The following ANKRD11 variants were observed in gnomAD, a reference collection of about 807,000 sequenced individuals.
ANKRD11 encodes ankyrin repeat domain 11.
Under a neutral mutation model 195.7 loss-of-function variants are expected in ANKRD11, and 17 were observed. The observed-to-expected ratio is 0.09, with a 90% CI of 0.06 to 0.13. ANKRD11 has a LOEUF of 0.13. Among genes scored for constraint, ANKRD11 ranks in the 10% least tolerant of loss-of-function variants. The pLI, the probability that ANKRD11 is intolerant of heterozygous loss-of-function variation, is 1.00. For synonymous variants in ANKRD11, 1,953 were observed against 1,528.1 expected, an observed-to-expected ratio of 1.28 and a Z score of -6.49; for missense variants, 3,735 against 3,566.1, an observed-to-expected ratio of 1.05 and a Z score of -1.21.
At chr16:89,479,942 CAAA>C (rs1184052902) in intron 1 of ANKRD11, among the ~76,000 whole-genome samples, 1 of 73,308 alleles carries the variant, frequency 1.4e-5, no homozygotes, top group Admixed American at 1.6e-4. Flanking sequence ...GACTCCATCT[CAAA>C]AAAAAAAAAA....
Position 89,281,869 on chromosome 16 carries a change from G to T in ANKRD11, c.4673C>A (p.Ser1558Tyr). 1.9e-6 allele frequency: 3 copies of T among 1,613,926 alleles called. No individual in the cohort carries two copies. The highest frequency in any genetic ancestry group is 2.5e-6 in the Non-Finnish European group (3 of 1,180,030). Residue 1558 changes from serine (S) to tyrosine (Y), a missense_variant, in exon 9 of 13, where the codon TCC becomes TAC. Transcript: ENST00000301030. This position sits in a 1 kb window ranked among gnomAD's most constrained non-coding sequence, Gnocchi z 5.5. ...MSNGNDKVAP[S>Y]KDPGKKDARP... ...GGCGTCTTTCTTGCCTGGGTCTTTG[G>T]ATGGCGCTACCTTATCATTCCCGTT...
chr16:89,368,632 G>C (rs2040058453), intron 2 of ANKRD11, among the ~76,000 whole-genome samples: 1 of 151,186 alleles, frequency 6.6e-6, no homozygotes, highest in Admixed American at 6.6e-5. Context: ...AAAGGGCTGG[G>C]TGCCATGGCT....
intron 11 of ANKRD11, chr16:89,273,026 G>T (rs1325620321): frequency 1.8e-5 from 2 of 109,420 alleles, no homozygotes; most frequent in South Asian, 3.3e-4. Context: ...CAGGGAGGTA[G>T]AAGTGGTTAA....
chr16:89,461,025 G>C (rs188148425), intron 1 of ANKRD11, among the ~76,000 whole-genome samples: 105 of 120,154 alleles, frequency 8.7e-4, no homozygotes, highest in African/African-American at 3.2e-3. Flanking sequence ...ACAGAAGAAA[G>C]GACAAATATC....
intron 2 of ANKRD11, among the ~76,000 whole-genome samples, chr16:89,372,401 C>T (rs1400820310): frequency 1.3e-5 from 2 of 152,132 alleles, no homozygotes; most frequent in South Asian, 2.1e-4. Context: ...CCTCACAGCA[C>T]GGACGGGGTC....
chr16:89,486,665 T>C (rs1266739876), intron 1 of ANKRD11, among the ~76,000 whole-genome samples: 4 of 152,076 alleles, frequency 2.6e-5, no homozygotes, highest in Non-Finnish European at 2.9e-5. Context: ...GAATGGGGCA[T>C]GGTATCAGAG....
intron 2 of ANKRD11, among the ~76,000 whole-genome samples, chr16:89,362,195 G>C (rs74525940): frequency 0.021 from 3,206 of 152,332 alleles, 127 homozygotes; most frequent in African/African-American, 0.074. Flanking sequence ...AATACCAACT[G>C]CCTTCTTCTT....
At chr16:89,422,074 T>C (rs2042534139) in intron 1 of ANKRD11, 1 of 152,168 alleles carries the variant, frequency 6.6e-6, no homozygotes, top group South Asian at 2.1e-4. Flanking sequence ...CTTACTCTCA[T>C]CAACCCCTTT....
chr16:89,377,862 C>A (rs1240664851), intron 2 of ANKRD11, among the ~76,000 whole-genome samples: 1 of 151,996 alleles, frequency 6.6e-6, no homozygotes, highest in Non-Finnish European at 1.5e-5. Flanking sequence ...ACCTCTTCCA[C>A]CCCCGCCCCA....
At chr16:89,313,444 C>G in intron 3 of ANKRD11, 2 of 1,289,164 alleles carry the variant, frequency 1.6e-6, no homozygotes, top group Non-Finnish European at 2.0e-6. Flanking sequence ...TTCTCTGACA[C>G]GCCTGCCACT....
chr16:89,361,890 G>A (rs2039747959), intron 2 of ANKRD11, among the ~76,000 whole-genome samples: 1 of 152,176 alleles, frequency 6.6e-6, no homozygotes, highest in African/African-American at 2.4e-5. Flanking sequence ...CAGCATGCCT[G>A]TCAGAGGGAC....
At chr16:89,473,343 G>A (rs1214900907) in intron 1 of ANKRD11, among the ~76,000 whole-genome samples, 2 of 152,184 alleles carry the variant, frequency 1.3e-5, no homozygotes, top group Non-Finnish European at 2.9e-5. Flanking sequence ...AGAGAATAGA[G>A]GTGGAGAAAG....
At position 89,286,085 on chromosome 16, in the gene ANKRD11, G is replaced by C; in HGVS notation, c.846C>G (p.Leu282=). 1.2e-6 allele frequency: 2 copies of C among 1,614,232 alleles called. No individual in the cohort carries two copies. Among genetic ancestry groups the C allele is most frequent in the Non-Finnish European group, 1.7e-6 (2 of 1,180,040 alleles). The change falls in exon 8 of 13, where the codon CTC becomes CTG. Residue 282 remains leucine, a synonymous_variant. Coordinates refer to ENST00000301030, the MANE Select transcript of ANKRD11 (RefSeq NM_013275.6). Reference sequence around the variant, plus strand: ...AAGTGTAAGTGCCTTTGCCTAACAGGAGGTTCACCATCGTGGGGGAGTTGG... The same window carrying C: ...AAGTGTAAGTGCCTTTGCCTAACAGCAGGTTCACCATCGTGGGGGAGTTGG... ...KVANSPTMVN[L]LLGKGTYTSS...
chr16:89,275,096 C>T lies in ANKRD11; in HGVS notation c.7566G>A (p.Glu2522=). Residue 2522 remains glutamate (E), a synonymous_variant, in exon 10 of 13, where the codon GAG becomes GAA. Coordinates refer to ENST00000301030, the MANE Select transcript of ANKRD11 (RefSeq NM_013275.6). ...RGKLRLQHSI[E]REKLIVSCEQ... Reference sequence around the variant, plus strand: ...CTGCCTGTGCCAGCCCACTTACCCGCTCGATGCTGTGCTGTAGACGCAGCT... The same window carrying T: ...CTGCCTGTGCCAGCCCACTTACCCGTTCGATGCTGTGCTGTAGACGCAGCT... The T allele has an allele frequency of 6.2e-7, 1 of 1,612,988 alleles. No individual in the cohort carries two copies. Among genetic ancestry groups the T allele is most frequent in the Non-Finnish European group, 8.5e-7 (1 of 1,179,700 alleles).
At position 89,328,904 on chromosome 16, in the gene ANKRD11, CG is replaced by C. The variant is rs2037894698; in HGVS notation, c.-59-11827del. ...GAGTGGACATACCCAGGAGCACGGG[CG>C]AAATCAGTGGAGGCCCCTGCTGAGT... On this transcript the variant is annotated intron_variant, in intron 2 of 12. Coordinates refer to ENST00000301030, the MANE Select transcript of ANKRD11 (RefSeq NM_013275.6). 2 of 113,700 alleles carry C rather than the reference CG, an allele frequency of 1.8e-5. 1 individual carries two copies. Among genetic ancestry groups the C allele is most frequent in the African/African-American group, 7.4e-5 (2 of 26,998 alleles). The allele number at this position is 113,700 out of a possible 1,614,324, so 7.0% of individuals were successfully genotyped here. A position where few individuals can be genotyped will look rare whatever the true frequency, so the allele number is the denominator to read the frequency against.
At chr16:89,376,369 G>C (rs1287878362) in intron 2 of ANKRD11, among the ~76,000 whole-genome samples, 1 of 152,208 alleles carries the variant, frequency 6.6e-6, no homozygotes, top group African/African-American at 2.4e-5. Context: ...CCAACCAAGA[G>C]GTAGCAGATG....
At chr16:89,427,901 T>A (rs1003069151) in intron 1 of ANKRD11, among the ~76,000 whole-genome samples, 1 of 152,152 alleles carries the variant, frequency 6.6e-6, no homozygotes, top group East Asian at 1.9e-4. Flanking sequence ...ACAGTTTTTT[T>A]AAACTCTTTA....
At position 89,285,794 on chromosome 16, in the gene ANKRD11, C is replaced by A; in HGVS notation, c.893-145G>T. On this transcript the variant is annotated intron_variant, in intron 8 of 12. Coordinates refer to ENST00000301030, the MANE Select transcript of ANKRD11 (RefSeq NM_013275.6). The surrounding 1 kb of genome is among the most constrained non-coding windows in gnomAD (Gnocchi z 5.6). ...GACACTTTGCTCGACTCATGGAAAC[C>A]AGCCACAGGCAGGAGGAAACCAGAC... 9.2e-7 allele frequency: 1 copy of A among 1,088,906 alleles called. No homozygotes were observed. 67.5% of individuals were successfully genotyped at this position (1,088,906 alleles called of 1,614,324 possible). A position where few individuals can be genotyped will look rare whatever the true frequency, so the allele number is the denominator to read the frequency against.
intron 2 of ANKRD11, among the ~76,000 whole-genome samples, chr16:89,333,327 G>A (rs562661304): frequency 2.6e-5 from 4 of 152,336 alleles, no homozygotes; most frequent in East Asian, 1.9e-4. Flanking sequence ...GCATCCCCAC[G>A]AGAGTGGCCG....
Sources: allele counts gnomAD v4.1 joint callset (sites outside exome capture counted in the v4.1 genomes callset), GRCh38; gene constraint gnomAD v4.1.1; non-coding constraint Gnocchi (gnomAD v3.1); transcripts MANE v1.5; gene names NCBI Gene and HGNC (gene_info 2026-07-23, HGNC 2026-07-21).